SEZ6L: variants seen among roughly 807,000 people sequenced by gnomAD.
SEZ6L encodes the protein seizure related 6 homolog like, also known as seizure 6-like protein.
A neutral mutation model predicts 106.2 loss-of-function variants in SEZ6L; 37 were observed. That is an observed-to-expected ratio of 0.35 (90% CI 0.27 to 0.46). The LOEUF (loss-of-function observed/expected upper bound fraction) is 0.46. Among genes scored for constraint, SEZ6L ranks in the 20% least tolerant of loss-of-function variants. The probability of loss-of-function intolerance (pLI) is 1.00; values close to 1 mark genes in which losing one functional copy is unlikely to be tolerated. For missense variants in SEZ6L, 1,172 were observed against 1,332.8 expected (o/e 0.88, Z 1.88); for synonymous variants, 541 against 570.4 (o/e 0.95, Z 0.73).
intron 14 of SEZ6L, among the ~76,000 whole-genome samples, chr22:26,374,263 C>CTT (rs112702936): frequency 0.15 from 21,458 of 141,142 alleles, 1,835 homozygotes; most frequent in Non-Finnish European, 0.21. Context: ...TATATTGTTT[C>CTT]TTTTTTTTTT....
intron 1 of SEZ6L, among the ~76,000 whole-genome samples, chr22:26,248,826 G>T (rs999273589): frequency 9.2e-5 from 14 of 152,194 alleles, no homozygotes; most frequent in African/African-American, 1.7e-4. Context: ...TCATGGGGTG[G>T]ATCCTGCTGC....
intron 16 of SEZ6L, among the ~76,000 whole-genome samples, chr22:26,378,316 A>C (rs1349463930): frequency 6.6e-6 from 1 of 152,148 alleles, no homozygotes; most frequent in Non-Finnish European, 1.5e-5. Context: ...GCTCTCTGCA[A>C]TAGGTTCCAC....
intron 9 of SEZ6L, 66 bp from the exon 10 acceptor site, chr22:26,340,370 A>G: frequency 6.9e-7 from 1 of 1,455,430 alleles, no homozygotes; most frequent in Non-Finnish European, 9.3e-7. Flanking sequence ...TGAAAAAGTT[A>G]ATCAAGGGTT....
At chr22:26,269,845 AC>A (rs1214383887) in intron 1 of SEZ6L, among the ~76,000 whole-genome samples, 2 of 152,206 alleles carry the variant, frequency 1.3e-5, no homozygotes, top group African/African-American at 4.8e-5. Flanking sequence ...TATCTCGGCC[AC>A]CAGTGTTGTT....
At chr22:26,235,172 C>T (rs115195009) in intron 1 of SEZ6L, among the ~76,000 whole-genome samples, 1,760 of 152,138 alleles carry the variant, frequency 0.012, 29 homozygotes, top group African/African-American at 0.04. Flanking sequence ...TTGGATATTC[C>T]CTGGTTTGGG....
chr22:26,216,768 A>G (rs2078312241), intron 1 of SEZ6L, among the ~76,000 whole-genome samples: 1 of 152,206 alleles, frequency 6.6e-6, no homozygotes, highest in African/African-American at 2.4e-5. Flanking sequence ...CATCATCAAA[A>G]TGGCCAAAAT....
At chr22:26,367,471 G>A (rs2083858427) in intron 13 of SEZ6L, among the ~76,000 whole-genome samples, 1 of 152,058 alleles carries the variant, frequency 6.6e-6, no homozygotes, top group African/African-American at 2.4e-5. Context: ...AGCCTCGCGA[G>A]TGGCTGGGAC....
At chr22:26,290,314 G>A (rs577384112) in intron 1 of SEZ6L, among the ~76,000 whole-genome samples, 52 of 152,236 alleles carry the variant, frequency 3.4e-4, no homozygotes, top group African/African-American at 9.9e-4. Context: ...GGTGGATCAC[G>A]AGGTCAGGAG....
At chr22:26,208,850 C>CTGTGTGTG (rs35483380) in intron 1 of SEZ6L, among the ~76,000 whole-genome samples, 64 of 111,798 alleles carry the variant, frequency 5.7e-4, no homozygotes, top group Non-Finnish European at 9.6e-4. Context: ...GACTCTCTCT[C>CTGTGTGTG]TGTGTGTGTG....
chr22:26,243,376 G>T (rs1275382319), intron 1 of SEZ6L, among the ~76,000 whole-genome samples: 2 of 152,210 alleles, frequency 1.3e-5, no homozygotes, highest in Non-Finnish European at 2.9e-5. Context: ...AGCAGGAAAA[G>T]CCTCTGTGAG....
At chr22:26,251,768 C>T (rs2079598198) in intron 1 of SEZ6L, among the ~76,000 whole-genome samples, 1 of 152,202 alleles carries the variant, frequency 6.6e-6, no homozygotes, top group Non-Finnish European at 1.5e-5. Flanking sequence ...GCCAGGGAGA[C>T]TCACAGCCCC....
chr22:26,176,688 A>G (rs1939026237), intron 1 of SEZ6L, among the ~76,000 whole-genome samples: 1 of 152,210 alleles, frequency 6.6e-6, no homozygotes, highest in Non-Finnish European at 1.5e-5. Context: ...TTAGATTTAC[A>G]TTACAAGATT....
intron 1 of SEZ6L, among the ~76,000 whole-genome samples, chr22:26,196,151 A>T (rs948722577): frequency 1.3e-5 from 2 of 152,130 alleles, no homozygotes; most frequent in African/African-American, 2.4e-5. Flanking sequence ...CATGATAGTG[A>T]GTGAGTTCTC....
chr22:26,276,899 G>A (rs1199136965), intron 1 of SEZ6L, among the ~76,000 whole-genome samples: 3 of 152,178 alleles, frequency 2.0e-5, no homozygotes, highest in Non-Finnish European at 4.4e-5. Context: ...AAGATCGTGC[G>A]CCTGTGCCAG....
chr22:26,375,449 C>T, intron 14 of SEZ6L, 126 bp from the exon 15 acceptor site: 1 of 739,894 alleles, frequency 1.4e-6, no homozygotes, highest in South Asian at 1.5e-5. Flanking sequence ...TCTGCAAGGT[C>T]TAAGGCCCTC....
chr22:26,209,245 T>C (rs1332317161), intron 1 of SEZ6L, among the ~76,000 whole-genome samples: 2 of 152,204 alleles, frequency 1.3e-5, no homozygotes, highest in Non-Finnish European at 2.9e-5. Flanking sequence ...TGGGTCTTAG[T>C]TGATGTCTTG....
chr22:26,261,121 T>C (rs1015400198), intron 1 of SEZ6L, among the ~76,000 whole-genome samples: 1 of 152,218 alleles, frequency 6.6e-6, no homozygotes, highest in African/African-American at 2.4e-5. Context: ...TCATTGTAGA[T>C]TATGGATATT....
At chr22:26,239,317 G>A (rs2145764658) in intron 1 of SEZ6L, among the ~76,000 whole-genome samples, 1 of 152,316 alleles carries the variant, frequency 6.6e-6, no homozygotes, top group East Asian at 1.9e-4. Flanking sequence ...ACACACCTCA[G>A]CATTTGCTCA....
intron 1 of SEZ6L, among the ~76,000 whole-genome samples, chr22:26,286,622 A>T (rs2080940875): frequency 6.6e-6 from 1 of 151,786 alleles, no homozygotes; most frequent in African/African-American, 2.4e-5. Flanking sequence ...TCGTTTCTTC[A>T]CTCACATCAC....
Sources: gnomAD v4.1 joint callset for allele counts (sites outside exome capture counted in the v4.1 genomes callset) on GRCh38, gnomAD v4.1.1 for gene constraint, MANE v1.5 for transcripts, NCBI Gene and HGNC (gene_info 2026-07-23, HGNC 2026-07-21) for gene names.